The following PRCC variants were observed in gnomAD, a reference collection of about 807,000 sequenced individuals.
PRCC encodes the protein proline-rich protein PRCC.
Under a neutral mutation model 44.0 loss-of-function variants are expected in PRCC, and 10 were observed. That is an observed-to-expected ratio of 0.23 (90% CI 0.14 to 0.39). The LOEUF (loss-of-function observed/expected upper bound fraction) is 0.39. PRCC is among the 10% of genes least tolerant of loss of function. The pLI, the probability that PRCC is intolerant of heterozygous loss-of-function variation, is 1.00. For synonymous variants in PRCC, 278 were observed against 259.5 expected (o/e 1.07, Z -0.69); for missense variants, 573 against 624.7 (o/e 0.92, Z 0.88).
chr1:156,767,837 G>A lies in PRCC; in HGVS notation c.66G>A (p.Glu22=), dbSNP rs769182788. Residue 22 remains glutamate, a synonymous_variant, in exon 1 of 7, where the codon GAG becomes GAA. Coordinates refer to ENST00000271526, the MANE Select transcript of PRCC (RefSeq NM_005973.5). ...SEPDEAEPEP[E]EEEAVAPTSG... is the part of the protein sequence containing the mutation. Reference sequence around the variant, plus strand: ...CGGATGAGGCTGAGCCCGAGCCGGAGGAAGAGGAGGCGGTGGCTCCTACAT... The same window carrying A: ...CGGATGAGGCTGAGCCCGAGCCGGAAGAAGAGGAGGCGGTGGCTCCTACAT... 6.2e-7 allele frequency: 1 copy of A among 1,610,572 alleles called. No individual in the cohort carries two copies. The highest frequency in any genetic ancestry group is 2.2e-5 in the East Asian group (1 of 44,814).
In PRCC at chr1:156,800,439, C is replaced by T. The variant is rs1335809970; in HGVS notation, c.1455C>T (p.Thr485=). 1 of 1,614,158 alleles carries T rather than the reference C, an allele frequency of 6.2e-7. No homozygotes were observed. Among genetic ancestry groups the T allele is most frequent in the Non-Finnish European group, 8.5e-7 (1 of 1,180,014 alleles). ...WSENKLSRRQ[T]QAKYGF is the part of the protein sequence containing the mutation. ...AGAACAAGCTCAGCCGCCGTCAGACCCAAGCCAAATATGGATTCTAGGGCT... is the reference window on the plus strand; with the variant it reads ...AGAACAAGCTCAGCCGCCGTCAGACTCAAGCCAAATATGGATTCTAGGGCT... Residue 485 remains threonine (T), a synonymous_variant, in exon 7 of 7, where the codon ACC becomes ACT. Transcript: ENST00000271526.
intron 3 of PRCC, chr1:156,791,154 C>G: frequency 7.1e-7 from 1 of 1,415,148 alleles, no homozygotes. Context: ...CTGCTTTGTT[C>G]CCAGCTTTGT....
At chr1:156,789,215 C>G (rs1036992125) in intron 3 of PRCC, among the ~76,000 whole-genome samples, 1 of 152,248 alleles carries the variant, frequency 6.6e-6, no homozygotes, top group African/African-American at 2.4e-5. Flanking sequence ...GGTGATCTGC[C>G]TGCCTTGGAC....
At chr1:156,787,705 A>C (rs937604380) in intron 3 of PRCC, among the ~76,000 whole-genome samples, 1 of 130,556 alleles carries the variant, frequency 7.7e-6, no homozygotes, top group Non-Finnish European at 1.5e-5. Flanking sequence ...GCTGGAGTGC[A>C]GTGGCACAAT....
intron 1 of PRCC, among the ~76,000 whole-genome samples, chr1:156,780,442 A>T (rs1238964412): frequency 6.7e-6 from 1 of 149,942 alleles, no homozygotes; most frequent in Non-Finnish European, 1.5e-5. Context: ...TTTATTTTAA[A>T]TTTTATTATT....
At chr1:156,769,947 C>A (rs1284400632) in intron 1 of PRCC, among the ~76,000 whole-genome samples, 1 of 151,784 alleles carries the variant, frequency 6.6e-6, no homozygotes, top group African/African-American at 2.4e-5. Context: ...GAGAGTCTCT[C>A]ATCCTAAGTC....
At chr1:156,769,198 G>C (rs1402925881) in intron 1 of PRCC, among the ~76,000 whole-genome samples, 3 of 152,206 alleles carry the variant, frequency 2.0e-5, no homozygotes, top group Admixed American at 2.0e-4. Flanking sequence ...CGTTGAACTT[G>C]CTGTTCCTTA....
chr1:156,781,330 C>T (rs543636146), intron 1 of PRCC, among the ~76,000 whole-genome samples: 44 of 152,202 alleles, frequency 2.9e-4, no homozygotes, highest in South Asian at 1.9e-3. Context: ...GATATGAGAG[C>T]GAGTATAGAA....
At chr1:156,794,283 G>A (rs1055441092) in intron 4 of PRCC, among the ~76,000 whole-genome samples, 6 of 152,170 alleles carry the variant, frequency 3.9e-5, no homozygotes, top group African/African-American at 1.2e-4. Flanking sequence ...TTCTAAAATT[G>A]TATGCAGTCC....
At chr1:156,778,758 T>C (rs1349428805) in intron 1 of PRCC, among the ~76,000 whole-genome samples, 3 of 151,648 alleles carry the variant, frequency 2.0e-5, no homozygotes, top group Non-Finnish European at 4.4e-5. Context: ...AATTTTTGTA[T>C]TTTTTGTGGA....
At chr1:156,782,720 C>T (rs921540979) in intron 2 of PRCC, among the ~76,000 whole-genome samples, 1 of 152,144 alleles carries the variant, frequency 6.6e-6, no homozygotes, top group African/African-American at 2.4e-5. Flanking sequence ...ACTTAAATAG[C>T]ACTTACTGTG....
At chr1:156,797,472 A>C (rs1652695893) in intron 6 of PRCC, 131 bp downstream of exon 6, 1 of 1,037,806 alleles carries the variant, frequency 9.6e-7, no homozygotes, top group African/African-American at 1.6e-5. Flanking sequence ...ATCCTCTCCT[A>C]TTCTCAGAGC....
Position 156,791,744 on chromosome 1 carries a change from C to A in PRCC, c.1131C>A (p.Val377=). The A allele has an allele frequency of 6.2e-7, 1 of 1,611,492 alleles. No homozygotes were observed. The change falls in exon 4 of 7, where the codon GTC becomes GTA. Residue 377 remains valine, a synonymous_variant. Coordinates refer to ENST00000271526, the MANE Select transcript of PRCC (RefSeq NM_005973.5). ...GYYPAQDPAL[V]PPQEIAPDAS... is the part of the protein sequence containing the mutation. ...ATCCTGCACAGGACCCGGCCCTGGTCCCCCCCCAGGAAATTGCCCCAGATG... is the reference window on the plus strand; with the variant it reads ...ATCCTGCACAGGACCCGGCCCTGGTACCCCCCCAGGAAATTGCCCCAGATG...
intron 1 of PRCC, among the ~76,000 whole-genome samples, chr1:156,781,591 G>A (rs1652052982): frequency 6.6e-6 from 1 of 152,214 alleles, no homozygotes; most frequent in Non-Finnish European, 1.5e-5. Context: ...CTATTTTTCA[G>A]CATGAGAGCT....
Position 156,800,356 on chromosome 1 carries a change from C to A in PRCC, c.1390-18C>A. The stretch of plus-strand genomic sequence containing the variant: ...GAATTCCAGTTTGACCCTCCCCTAC[C>A]CTTCTTCCTTGCCACAGGCCAAGGA... On this transcript the variant is annotated intron_variant, in intron 6 of 6. Coordinates refer to ENST00000271526, the MANE Select transcript of PRCC (RefSeq NM_005973.5). 1.2e-6 allele frequency: 2 copies of A among 1,613,224 alleles called. No homozygotes were observed. The highest frequency in any genetic ancestry group is 1.1e-5 in the South Asian group (1 of 91,074).
intron 1 of PRCC, among the ~76,000 whole-genome samples, chr1:156,780,007 C>T (rs1651996455): frequency 6.6e-6 from 1 of 152,024 alleles, no homozygotes; most frequent in South Asian, 2.1e-4. Flanking sequence ...TCTTGTACCT[C>T]AGCCTCCCGA....
chr1:156,779,193 C>A (rs1198438372), intron 1 of PRCC, among the ~76,000 whole-genome samples: 1 of 104,824 alleles, frequency 9.5e-6, no homozygotes, highest in Non-Finnish European at 1.9e-5. Context: ...CTTACTCTGT[C>A]ACCCAGGCTG....
At chr1:156,799,186 AT>A (rs1304375305) in intron 6 of PRCC, among the ~76,000 whole-genome samples, 1 of 152,178 alleles carries the variant, frequency 6.6e-6, no homozygotes, top group Non-Finnish European at 1.5e-5. Flanking sequence ...CTTTCTATAG[AT>A]TTGTGTATAT....
At chr1:156,783,285 G>C (rs901694478) in intron 2 of PRCC, among the ~76,000 whole-genome samples, 3 of 152,164 alleles carry the variant, frequency 2.0e-5, no homozygotes, top group Non-Finnish European at 4.4e-5. Context: ...ACAAGACAGT[G>C]CTAGTAGATG....
Sources: gnomAD v4.1 joint callset for allele counts (sites outside exome capture counted in the v4.1 genomes callset) on GRCh38, gnomAD v4.1.1 for gene constraint, MANE v1.5 for transcripts, NCBI Gene and HGNC (gene_info 2026-07-23, HGNC 2026-07-21) for gene names.